RNF114: variants seen among roughly 807,000 people sequenced by gnomAD.
RNF114 encodes the protein ring finger protein 114.
RNF114 carries 6 observed loss-of-function variants against 28.4 expected under a neutral mutation model. The ratio of observed to expected loss-of-function variants is 0.21; its 90% CI spans 0.12 to 0.42. The LOEUF (loss-of-function observed/expected upper bound fraction) is 0.42, where lower values mean the gene tolerates loss of function less well. Among genes scored for constraint, RNF114 ranks in the 10% least tolerant of loss-of-function variants. The pLI is 1.00. For synonymous variants in RNF114, 115 were observed against 116.7 expected (o/e 0.99, Z 0.09); for missense variants, 249 against 311.7 (o/e 0.80, Z 1.51).
intron 1 of RNF114, 89 bp from the exon 2 acceptor site, chr20:49,941,472 A>G: frequency 5.7e-6 from 8 of 1,407,624 alleles, no homozygotes; most frequent in Non-Finnish European, 7.6e-6. Context: ...TTACTCCATT[A>G]TCCATTGATG....
intron 4 of RNF114, among the ~76,000 whole-genome samples, chr20:49,948,429 A>ATT (rs571295310): frequency 0.092 from 12,536 of 135,928 alleles, 641 homozygotes; most frequent in African/African-American, 0.12. Context: ...CTGGAGCACA[A>ATT]TTTTTTTTTT....
chr20:49,945,871 G>T (rs376638103), intron 3 of RNF114, among the ~76,000 whole-genome samples: 5 of 152,144 alleles, frequency 3.3e-5, no homozygotes, highest in African/African-American at 1.2e-4. Context: ...TTGTCATGTT[G>T]GTCAGGCTGG....
intron 2 of RNF114, chr20:49,945,122 T>G: frequency 3.1e-6 from 1 of 326,090 alleles, no homozygotes; most frequent in South Asian, 4.3e-5. Context: ...CAGCCTATCA[T>G]GAATAGGAGC....
At position 49,952,290 on chromosome 20, in the gene RNF114, G is replaced by C. The variant is rs559268160; in HGVS notation, c.*149G>C. 78 of 689,712 alleles carry C rather than the reference G, an allele frequency of 1.1e-4. 1 individual carries two copies. The South Asian group carries it at 1.2e-3, about 11-fold the overall frequency. The allele number at this position is 689,712 out of a possible 1,614,324, so 42.7% of individuals were successfully genotyped here. A position where few individuals can be genotyped will look rare whatever the true frequency, so the allele number is the denominator to read the frequency against. ...AGGGTCACTTCTGACAGGGGAAGTG[G>C]GTCCCCAGGTCAGCCCTTCTCTTCC... On this transcript the variant is annotated 3_prime_UTR_variant, in exon 6 of 6. Transcript: ENST00000244061.
rs897601304 is a variant in RNF114 at position 49,943,482 on chromosome 20, G to GA, written c.291+1780dup. On this transcript the variant is annotated intron_variant, in intron 2 of 5. Coordinates refer to ENST00000244061, the MANE Select transcript of RNF114 (RefSeq NM_018683.4). Reference sequence around the variant, plus strand: ...GTGGACCCAGTTTCTACAAAAAAAGGAAAAAAAAATTGAGGATTCCTCAGT... The same window carrying GA: ...GTGGACCCAGTTTCTACAAAAAAAGGAAAAAAAAAATTGAGGATTCCTCAGT... Among the ~76,000 whole-genome samples the GA allele has an allele frequency of 5.3e-5, 8 of 150,162 alleles. No individual in the cohort carries two copies. In the South Asian group the frequency reaches 8.4e-4, roughly 16 times the overall value.
At chr20:49,947,403 C>T (rs1231688551) in intron 4 of RNF114, among the ~76,000 whole-genome samples, 1 of 151,956 alleles carries the variant, frequency 6.6e-6, no homozygotes, top group Non-Finnish European at 1.5e-5. Flanking sequence ...TATGGGCAGC[C>T]TTCAGCTCCA....
At chr20:49,942,048 C>A in intron 2 of RNF114, 1 of 247,130 alleles carries the variant, frequency 4.0e-6, no homozygotes, top group Non-Finnish European at 7.9e-6. Context: ...GAGCTTGAGG[C>A]TAGGAGTTAA....
At chr20:49,945,064 A>G (rs145202881) in intron 2 of RNF114, 1 of 225,816 alleles carries the variant, frequency 4.4e-6, no homozygotes, top group East Asian at 1.1e-4. Flanking sequence ...ATGCTAGTAT[A>G]GAAAACTTTT....
At chr20:49,950,724 A>G (rs903786930) in intron 5 of RNF114, among the ~76,000 whole-genome samples, 3 of 151,844 alleles carry the variant, frequency 2.0e-5, no homozygotes, top group African/African-American at 2.4e-5. Context: ...CACAACAACA[A>G]TTTGGACTTG....
chr20:49,952,254 G>A lies in RNF114; in HGVS notation c.*113G>A. ...TTCAACAGACCTGAAAATGAGCCAT[G>A]GCATTGGGACAGGGTCACTTCTGAC... On this transcript the variant is annotated 3_prime_UTR_variant, in exon 6 of 6. Transcript: ENST00000244061. 3.1e-6 allele frequency: 3 copies of A among 963,602 alleles called. No homozygotes were observed. The highest frequency in any genetic ancestry group is 5.0e-6 in the Non-Finnish European group (3 of 596,674). 59.7% of individuals were successfully genotyped at this position (963,602 alleles called of 1,614,324 possible). A position where few individuals can be genotyped will look rare whatever the true frequency, so the allele number is the denominator to read the frequency against.
intron 1 of RNF114, among the ~76,000 whole-genome samples, chr20:49,940,329 A>C (rs1444342463): frequency 6.6e-6 from 1 of 151,936 alleles, no homozygotes; most frequent in Non-Finnish European, 1.5e-5. Context: ...ATCTGTAACA[A>C]GGTTCGAGGG....
At chr20:49,951,935 G>A in intron 5 of RNF114, 141 bp from the exon 6 acceptor site, 1 of 653,782 alleles carries the variant, frequency 1.5e-6, no homozygotes, top group Non-Finnish European at 2.8e-6. Context: ...TACATACCTA[G>A]CATCACAAAC....
chr20:49,945,332 C>G, intron 2 of RNF114, 50 bp from the exon 3 acceptor site: 1 of 1,188,976 alleles, frequency 8.4e-7, no homozygotes, highest in Non-Finnish European at 1.3e-6. Context: ...TATATTTTGC[C>G]TGTTGCAAGG....
intron 5 of RNF114, 60 bp downstream of exon 5, chr20:49,949,415 C>A: frequency 7.1e-7 from 1 of 1,412,590 alleles, no homozygotes; most frequent in Non-Finnish European, 1.0e-6. Flanking sequence ...CTACTTCACT[C>A]TTCTCAAAAG....
At chr20:49,950,541 T>C (rs1335021316) in intron 5 of RNF114, among the ~76,000 whole-genome samples, 1 of 150,636 alleles carries the variant, frequency 6.6e-6, no homozygotes, top group Non-Finnish European at 1.5e-5. Context: ...AGTAACCAGG[T>C]GTGGTGGCTC....
intron 4 of RNF114, among the ~76,000 whole-genome samples, chr20:49,948,637 T>C (rs2090344454): frequency 1.3e-5 from 2 of 151,964 alleles, no homozygotes; most frequent in East Asian, 1.9e-4. Flanking sequence ...GATGTTTCAC[T>C]ATGTTGGCCA....
Position 49,952,279 on chromosome 20 carries a change from C to T in RNF114, c.*138C>T. On this transcript the variant is annotated 3_prime_UTR_variant, in exon 6 of 6. Coordinates refer to ENST00000244061, the MANE Select transcript of RNF114 (RefSeq NM_018683.4). ...GGCATTGGGACAGGGTCACTTCTGACAGGGGAAGTGGGTCCCCAGGTCAGC... is the reference window on the plus strand; with the variant it reads ...GGCATTGGGACAGGGTCACTTCTGATAGGGGAAGTGGGTCCCCAGGTCAGC... 2.6e-6 allele frequency: 2 copies of T among 768,390 alleles called. No individual in the cohort carries two copies. Among genetic ancestry groups the T allele is most frequent in the Admixed American group, 2.0e-5 (1 of 50,536 alleles). 47.6% of individuals were successfully genotyped at this position (768,390 alleles called of 1,614,324 possible).
rs75469228 is a variant in RNF114, at chr20:49,937,799, C to T, written c.140+1247C>T. 2.4e-3 allele frequency among the ~76,000 whole-genome samples: 368 copies of T among 152,236 alleles called. 9 individuals carry two copies. Among genetic ancestry groups the T allele is most frequent in the Admixed American group, 0.018 (281 of 15,270 alleles). The stretch of plus-strand genomic sequence containing the variant: ...CCACTTCCTTTCTGGGACTTAACTT[C>T]CTTCTCCTTGCTTGCACAGAGCAAA... On this transcript the variant is annotated intron_variant, in intron 1 of 5. Transcript: ENST00000244061.
In RNF114 at chr20:49,952,072, T is replaced by A; in HGVS notation, c.622-4T>A. 1.9e-6 allele frequency: 3 copies of A among 1,613,192 alleles called. No individual in the cohort carries two copies. Among genetic ancestry groups the A allele is most frequent in the Non-Finnish European group, 2.5e-6 (3 of 1,179,182 alleles). On this transcript the variant is annotated splice_region_variant and splice_polypyrimidine_tract_variant and intron_variant, in intron 5 of 5. Coordinates refer to ENST00000244061, the MANE Select transcript of RNF114 (RefSeq NM_018683.4). Reference sequence around the variant, plus strand: ...TGAGGCTGCATGTCTCTTTTTGCCCTTAGGATTATGATGTTGATGAAGAGG... The same window carrying A: ...TGAGGCTGCATGTCTCTTTTTGCCCATAGGATTATGATGTTGATGAAGAGG...
Sources: gnomAD v4.1 joint callset for allele counts (sites outside exome capture counted in the v4.1 genomes callset) on GRCh38, gnomAD v4.1.1 for gene constraint, MANE v1.5 for transcripts, NCBI Gene and HGNC (gene_info 2026-07-23, HGNC 2026-07-21) for gene names.